ATP8A2: variants seen among roughly 807,000 people sequenced by gnomAD.
ATP8A2 encodes the protein ATPase phospholipid transporting 8A2.
ATP8A2 carries 100 observed loss-of-function variants against 165.6 expected under a neutral mutation model. The observed-to-expected ratio is 0.60, with a 90% confidence interval of 0.51 to 0.71. ATP8A2 has a LOEUF of 0.71. Among genes scored for constraint, ATP8A2 ranks in the 30% least tolerant of loss-of-function variants. The probability of loss-of-function intolerance (pLI) is 0.00; values close to 1 mark genes in which losing one functional copy is unlikely to be tolerated. For missense variants in ATP8A2, 1,227 were observed against 1,479.5 expected, an observed-to-expected ratio of 0.83 and a Z score of 2.80; for synonymous variants, 543 against 548.8, an observed-to-expected ratio of 0.99 and a Z score of 0.15.
chr13:25,546,259 T>C (rs2038646018), intron 10 of ATP8A2, among the ~76,000 whole-genome samples: 1 of 152,220 alleles, frequency 6.6e-6, no homozygotes, highest in African/African-American at 2.4e-5. Context: ...TCCTTGTCCC[T>C]AGGTGTGAGA....
Position 25,738,333 on chromosome 13 carries a change from GCCCCCCT to G in ATP8A2, c.2385-30706_2385-30700del, listed in dbSNP as rs1398367302. Among the ~76,000 whole-genome samples, 10 of 43,158 alleles carry G rather than the reference GCCCCCCT, an allele frequency of 2.3e-4. No individual in the cohort carries two copies. In the South Asian group the frequency reaches 0.011, roughly 48 times the overall value. The allele number at this position is 43,158 out of a possible 152,430, so 28.3% of individuals were successfully genotyped here. On this transcript the variant is annotated intron_variant, in intron 25 of 36. Transcript: ENST00000381655. ...TTGTCTCTGCTTTTTTTCTTTTTGT[GCCCCCCT>G]CCCCCCCCCCCACACACACTTCTTC... is the stretch of plus-strand genomic sequence containing the variant.
intron 23 of ATP8A2, among the ~76,000 whole-genome samples, chr13:25,587,538 G>T (rs1289671764): frequency 2.0e-5 from 3 of 152,128 alleles, no homozygotes; most frequent in Non-Finnish European, 4.4e-5. Flanking sequence ...AGCAGCAAGC[G>T]AGGGCTTAAA....
In ATP8A2 at chr13:25,668,582, G is replaced by A. The variant is rs533139361; in HGVS notation, c.2212-30591G>A. On this transcript the variant is annotated intron_variant, in intron 24 of 36. Coordinates refer to ENST00000381655, the MANE Select transcript of ATP8A2 (RefSeq NM_016529.6). ...GATTCATGTCTTTCATCAAATTTGG[G>A]AGTTTTCAGTTATAATTTATTCAGA... Among the ~76,000 whole-genome samples, 81 of 152,160 alleles carry A rather than the reference G, an allele frequency of 5.3e-4. 1 individual carries two copies. The highest frequency in any genetic ancestry group is 1.9e-3 in the African/African-American group (78 of 41,528).
intron 24 of ATP8A2, among the ~76,000 whole-genome samples, chr13:25,610,002 T>C (rs1473944173): frequency 6.6e-6 from 1 of 152,162 alleles, no homozygotes; most frequent in Admixed American, 6.5e-5. Context: ...TCCTTGCAGA[T>C]TCTGGATATT....
At chr13:25,680,711 G>A (rs950259020) in intron 24 of ATP8A2, among the ~76,000 whole-genome samples, 1 of 152,152 alleles carries the variant, frequency 6.6e-6, no homozygotes, top group Non-Finnish European at 1.5e-5. Flanking sequence ...TCATCCTAAG[G>A]CTCCTTGTAC....
At chr13:25,685,157 C>T (rs935240623) in intron 24 of ATP8A2, among the ~76,000 whole-genome samples, 1 of 152,260 alleles carries the variant, frequency 6.6e-6, no homozygotes, top group South Asian at 2.1e-4. Context: ...GATGTGACAG[C>T]CTTAGACACA....
intron 33 of ATP8A2, among the ~76,000 whole-genome samples, chr13:25,888,774 A>G (rs896667018): frequency 6.6e-6 from 1 of 152,198 alleles, no homozygotes; most frequent in African/African-American, 2.4e-5. Context: ...CAGCAGAATC[A>G]TTTGAACCTG....
intron 25 of ATP8A2, among the ~76,000 whole-genome samples, chr13:25,764,660 T>C (rs9553655): frequency 0.59 from 90,352 of 152,094 alleles, 27,623 homozygotes; most frequent in Middle Eastern, 0.72. Context: ...TCACTTAAAG[T>C]TGGAAACTCA....
intron 33 of ATP8A2, among the ~76,000 whole-genome samples, chr13:25,870,850 G>A (rs544656664): frequency 1.4e-3 from 209 of 152,304 alleles, no homozygotes; most frequent in African/African-American, 4.8e-3. Flanking sequence ...AAATATGAAT[G>A]TTGAGTTAGA....
In ATP8A2 at chr13:25,372,298, G is replaced by A. The variant is rs369291641; in HGVS notation, c.76+10G>A. The A allele has an allele frequency of 1.2e-3, 1,825 of 1,464,832 alleles. No individual in the cohort carries two copies. Among genetic ancestry groups the A allele is most frequent in the Non-Finnish European group, 1.3e-3 (1,445 of 1,103,370 alleles). The allele number at this position is 1,464,832 out of a possible 1,614,324, so 90.7% of individuals were successfully genotyped here. On this transcript the variant is annotated intron_variant, in intron 1 of 36. Transcript: ENST00000381655. This position sits in a 1 kb window ranked among gnomAD's most constrained non-coding sequence, Gnocchi z 4.8. ...ATCCGCTCGTCCGTGGGTGAGCTGG[G>A]AGGGGCGCGGCGAGGGAGGGTGGGC...
chr13:25,531,819 A>C (rs917119676), intron 4 of ATP8A2, among the ~76,000 whole-genome samples: 1 of 152,190 alleles, frequency 6.6e-6, no homozygotes, highest in Admixed American at 6.6e-5. Context: ...CTTGGGTCCC[A>C]TCCCAGAGAC....
intron 23 of ATP8A2, 33 bp downstream of exon 23, chr13:25,581,990 G>T: frequency 6.3e-7 from 1 of 1,575,900 alleles, no homozygotes; most frequent in South Asian, 1.2e-5. Flanking sequence ...TCCTGATGCT[G>T]GGTTTTGTAT....
chr13:25,515,934 C>T lies in ATP8A2; in HGVS notation c.222-14065C>T, dbSNP rs139359568. 7.2e-5 allele frequency among the ~76,000 whole-genome samples: 11 copies of T among 152,230 alleles called. 1 individual carries two copies. The highest frequency in any genetic ancestry group is 1.9e-4 in the African/African-American group (8 of 41,540). ...TTGGTTTTGTGCACTTTGCTATATA[C>T]GCATGATAAACAAAGAAATGTCAGT... On this transcript the variant is annotated intron_variant, in intron 2 of 36. Coordinates refer to ENST00000381655, the MANE Select transcript of ATP8A2 (RefSeq NM_016529.6).
intron 36 of ATP8A2, among the ~76,000 whole-genome samples, chr13:26,017,847 G>C (rs549643193): frequency 2.6e-5 from 4 of 152,306 alleles, no homozygotes; most frequent in East Asian, 3.9e-4. Context: ...ACCTGCTCCT[G>C]TACCCAGCTG....
intron 15 of ATP8A2, among the ~76,000 whole-genome samples, chr13:25,563,714 A>G (rs1430437342): frequency 6.6e-6 from 1 of 152,038 alleles, no homozygotes; most frequent in Non-Finnish European, 1.5e-5. Context: ...CCTTGTAACT[A>G]TTGTTCCTTG....
chr13:25,692,006 G>T (rs1197401262), intron 24 of ATP8A2, among the ~76,000 whole-genome samples: 1 of 152,182 alleles, frequency 6.6e-6, no homozygotes, highest in Non-Finnish European at 1.5e-5. Context: ...ATAGTAAAAA[G>T]AATATGAAAG....
At chr13:25,618,615 A>G (rs888119134) in intron 24 of ATP8A2, among the ~76,000 whole-genome samples, 11 of 150,846 alleles carry the variant, frequency 7.3e-5, no homozygotes, top group Non-Finnish European at 1.3e-4. Context: ...TATTAATGGC[A>G]GTAAACTTTT....
intron 16 of ATP8A2, among the ~76,000 whole-genome samples, chr13:25,567,971 G>GC (rs956695067): frequency 1.3e-5 from 2 of 152,210 alleles, no homozygotes; most frequent in Admixed American, 6.5e-5. Flanking sequence ...GGCTGCACAT[G>GC]CCCCACATTC....
At chr13:25,468,025 C>T (rs1685266540) in intron 1 of ATP8A2, among the ~76,000 whole-genome samples, 1 of 152,200 alleles carries the variant, frequency 6.6e-6, no homozygotes, top group South Asian at 2.1e-4. Context: ...GGTCACTGCT[C>T]AAGCTGGGCA....
Sources: allele counts gnomAD v4.1 joint callset (sites outside exome capture counted in the v4.1 genomes callset), GRCh38; gene constraint gnomAD v4.1.1; non-coding constraint Gnocchi (gnomAD v3.1); transcripts MANE v1.5; gene names NCBI Gene and HGNC (gene_info 2026-07-23, HGNC 2026-07-21).